RIMS2: variants seen among roughly 807,000 people sequenced by gnomAD.
RIMS2 encodes regulating synaptic membrane exocytosis protein 2.
RIMS2 carries 59 observed loss-of-function variants against 174.4 expected under a neutral mutation model. The observed-to-expected ratio is 0.34, with a 90% CI of 0.27 to 0.42. The LOEUF is 0.42. Ranked by LOEUF, RIMS2 falls within the 10% of genes least tolerant of loss-of-function variation. The pLI is 1.00. For missense variants in RIMS2, 1,620 were observed against 1,666.3 expected (o/e 0.97, Z 0.48); for synonymous variants, 606 against 572.5 (o/e 1.06, Z -0.84).
intron 19 of RIMS2, among the ~76,000 whole-genome samples, chr8:104,171,357 T>C (rs1447072): frequency 0.43 from 65,515 of 151,524 alleles, 14,651 homozygotes; most frequent in East Asian, 0.62. Context: ...TTCTTTGTCT[T>C]TGTCTGATTG....
intron 13 of RIMS2, among the ~76,000 whole-genome samples, chr8:103,942,200 T>G (rs1369655533): frequency 6.6e-6 from 1 of 152,184 alleles, no homozygotes; most frequent in East Asian, 1.9e-4. Context: ...TGGGTCCATG[T>G]GTTTCTCATC....
chr8:104,168,463 C>T (rs1231918505), intron 19 of RIMS2, among the ~76,000 whole-genome samples: 2 of 151,976 alleles, frequency 1.3e-5, no homozygotes, highest in East Asian at 1.9e-4. Context: ...TGATTTTCAG[C>T]TTGGTTGTCA....
chr8:103,905,852 C>A (rs2154525836), intron 4 of RIMS2, among the ~76,000 whole-genome samples: 1 of 143,062 alleles, frequency 7.0e-6, no homozygotes, highest in African/African-American at 2.6e-5. Flanking sequence ...TCTTCAAGTT[C>A]ATTGAGTCAT....
intron 19 of RIMS2, among the ~76,000 whole-genome samples, chr8:104,181,955 G>A (rs777248486): frequency 1.6e-4 from 24 of 151,590 alleles, no homozygotes; most frequent in Non-Finnish European, 3.1e-4. Context: ...GTTTGAGAAT[G>A]GTAAAATATC....
chr8:104,120,367 C>T (rs1417242899), intron 19 of RIMS2, among the ~76,000 whole-genome samples: 1 of 152,112 alleles, frequency 6.6e-6, no homozygotes, highest in Non-Finnish European at 1.5e-5. Context: ...TAATTCCTAA[C>T]ATTAGTCATT....
intron 4 of RIMS2, among the ~76,000 whole-genome samples, chr8:103,888,127 A>G (rs2099217107): frequency 6.6e-6 from 1 of 151,450 alleles, no homozygotes; most frequent in African/African-American, 2.4e-5. Context: ...AAATTTGGAC[A>G]TATCGGTGAA....
In RIMS2 at chr8:103,652,204, G is replaced by A. The variant is rs752820892; in HGVS notation, c.177-44882G>A. ...TCAGTTGTGCAAACTTATCTTTTTAGGGTCAAAGAAGAACACAAACCACAA... is the reference window on the plus strand; with the variant it reads ...TCAGTTGTGCAAACTTATCTTTTTAAGGTCAAAGAAGAACACAAACCACAA... On this transcript the variant is annotated intron_variant, in intron 1 of 23. Transcript: ENST00000504942. 1.5e-6 allele frequency: 2 copies of A among 1,346,174 alleles called. No homozygotes were observed. The highest frequency in any genetic ancestry group is 3.8e-5 in the Admixed American group (2 of 52,454). The allele number at this position is 1,346,174 out of a possible 1,614,324, so 83.4% of individuals were successfully genotyped here.
Position 103,516,839 on chromosome 8 carries a change from G to A in RIMS2, c.176+15777G>A, listed in dbSNP as rs371785756. 3.1e-4 allele frequency among the ~76,000 whole-genome samples: 47 copies of A among 152,226 alleles called. No individual in the cohort carries two copies. In the East Asian group the frequency reaches 3.9e-3, roughly 12 times the overall value. ...AGGTCGGGGAGAGGTACTACATGGCGCTGCTTCTACAAAGCCATATACACT... is the reference window on the plus strand; with the variant it reads ...AGGTCGGGGAGAGGTACTACATGGCACTGCTTCTACAAAGCCATATACACT... On this transcript the variant is annotated intron_variant, in intron 1 of 23. Coordinates refer to ENST00000504942, the Ensembl canonical transcript of RIMS2.
At chr8:103,765,371 G>A (rs2098158714) in intron 2 of RIMS2, among the ~76,000 whole-genome samples, 1 of 152,092 alleles carries the variant, frequency 6.6e-6, no homozygotes, top group Non-Finnish European at 1.5e-5. Context: ...GCCGGGGTTG[G>A]AGGAGAGGAA....
At chr8:104,231,182 G>GCT (rs571757590) in intron 19 of RIMS2, among the ~76,000 whole-genome samples, 1 of 151,672 alleles carries the variant, frequency 6.6e-6, no homozygotes, top group Admixed American at 6.6e-5. Context: ...CCCCCAACCT[G>GCT]CTCTCTCTCT....
chr8:103,905,459 A>C (rs2074171339), intron 4 of RIMS2, among the ~76,000 whole-genome samples: 1 of 151,938 alleles, frequency 6.6e-6, no homozygotes, highest in South Asian at 2.1e-4. Flanking sequence ...TATCATTTGA[A>C]TTGTTTTTCC....
chr8:103,783,852 C>T (rs1224930618), intron 3 of RIMS2, among the ~76,000 whole-genome samples: 2 of 151,802 alleles, frequency 1.3e-5, no homozygotes, highest in Non-Finnish European at 2.9e-5. Flanking sequence ...CACTGACTTC[C>T]ACAATGGTTG....
At chr8:103,938,265 G>A (rs1304270808) in intron 13 of RIMS2, among the ~76,000 whole-genome samples, 2 of 152,048 alleles carry the variant, frequency 1.3e-5, no homozygotes, top group African/African-American at 4.8e-5. Flanking sequence ...CCGAGACTGG[G>A]AAGAAAAAGG....
intron 19 of RIMS2, among the ~76,000 whole-genome samples, chr8:104,206,373 T>C (rs2099080259): frequency 6.6e-6 from 1 of 152,244 alleles, no homozygotes; most frequent in South Asian, 2.1e-4. Context: ...CAAGGCTTTG[T>C]TCAGCAATAT....
At chr8:104,192,915 A>G (rs548407651) in intron 19 of RIMS2, among the ~76,000 whole-genome samples, 1 of 152,302 alleles carries the variant, frequency 6.6e-6, no homozygotes, top group African/African-American at 2.4e-5. Flanking sequence ...TTAATGTATC[A>G]TTACGCTATA....
chr8:103,596,943 C>A (rs1293671174), intron 1 of RIMS2, among the ~76,000 whole-genome samples: 1 of 151,992 alleles, frequency 6.6e-6, no homozygotes, highest in Non-Finnish European at 1.5e-5. Flanking sequence ...AGTTTCCCCA[C>A]AATATGAATC....
exon 17 of RIMS2, chr8:103,989,306 C>T (rs1348777772): frequency 5.7e-6 from 9 of 1,571,668 alleles, no homozygotes; most frequent in Non-Finnish European, 7.9e-6. Context: ...TTGTTTTAGT[C>T]GGAATGTGGA....
intron 19 of RIMS2, among the ~76,000 whole-genome samples, chr8:104,159,891 CAATT>C (rs1296908741): frequency 6.6e-5 from 10 of 152,130 alleles, no homozygotes; most frequent in African/African-American, 2.4e-4. Flanking sequence ...GGAATCCCAG[CAATT>C]TGGGAGGCCA....
intron 1 of RIMS2, among the ~76,000 whole-genome samples, chr8:103,641,359 GTCTTT>G (rs1589553034): frequency 6.6e-6 from 1 of 152,120 alleles, no homozygotes; most frequent in South Asian, 2.1e-4. Context: ...TTAAATATTT[GTCTTT>G]TCTTTATGTG....
Sources: allele counts gnomAD v4.1 joint callset (sites outside exome capture counted in the v4.1 genomes callset), GRCh38; gene constraint gnomAD v4.1.1; transcripts MANE v1.5; gene names NCBI Gene and HGNC (gene_info 2026-07-23, HGNC 2026-07-21).